The following USP3 variants were observed in gnomAD, a reference collection of about 807,000 sequenced individuals.
USP3 encodes ubiquitin specific peptidase 3.
USP3 carries 20 observed loss-of-function variants against 72.3 expected under a neutral mutation model. The observed-to-expected ratio is 0.28, with a 90% confidence interval of 0.19 to 0.40. The LOEUF is 0.40. USP3 is among the 10% of genes least tolerant of loss of function. The probability of loss-of-function intolerance (pLI) is 1.00; values close to 1 mark genes in which losing one functional copy is unlikely to be tolerated. For missense variants in USP3, 479 were observed against 633.9 expected (o/e 0.76, Z 2.62); for synonymous variants, 222 against 225.3 (o/e 0.99, Z 0.13).
At chr15:63,545,963 C>A (rs772621294) in intron 3 of USP3, among the ~76,000 whole-genome samples, 1 of 77,258 alleles carries the variant, frequency 1.3e-5, no homozygotes, top group Admixed American at 2.0e-4. Context: ...AGAGCCAGAC[C>A]TTGTCTCAAA....
rs1286472292 is a variant in USP3 at position 63,588,955 on chromosome 15, T to C, written c.1341T>C (p.Ser447=). Residue 447 remains serine, a synonymous_variant, in exon 14 of 15, where the codon AGT becomes AGC. Coordinates refer to ENST00000380324, the MANE Select transcript of USP3 (RefSeq NM_006537.4). This position sits in a 1 kb window ranked among gnomAD's most constrained non-coding sequence, Gnocchi z 4.6. ...TCCTTGTTCTGTAGCCTGAGAACAG[T>C]GGCCCGGAGAGCTGCCTGTATGACC... is the stretch of plus-strand genomic sequence containing the variant. The part of the protein sequence containing the change: ...MKCYLLEPEN[S]GPESCLYDLA... 3.1e-6 allele frequency: 5 copies of C among 1,614,154 alleles called. No individual in the cohort carries two copies. The South Asian group carries it at 3.3e-5, about 11-fold the overall frequency.
At chr15:63,522,430 A>G (rs2065932287) in intron 1 of USP3, among the ~76,000 whole-genome samples, 1 of 152,186 alleles carries the variant, frequency 6.6e-6, no homozygotes, top group South Asian at 2.1e-4. Flanking sequence ...TCATACAGAT[A>G]TTTTCTATGC....
Position 63,515,984 on chromosome 15 carries a change from T to C in USP3, c.91+11154T>C, listed in dbSNP as rs150145692. ...CATTTTTAGGTATTATTCCTTGATATCTTGCTGTGGTAAATGAAGACTTCA... is the reference window on the plus strand; with the variant it reads ...CATTTTTAGGTATTATTCCTTGATACCTTGCTGTGGTAAATGAAGACTTCA... On this transcript the variant is annotated intron_variant, in intron 1 of 14. Coordinates refer to ENST00000380324, the MANE Select transcript of USP3 (RefSeq NM_006537.4). Among the ~76,000 whole-genome samples the C allele has an allele frequency of 4.3e-4, 66 of 152,342 alleles. 1 individual carries two copies. The East Asian group carries it at 0.01, about 24-fold the overall frequency.
At chr15:63,586,909 A>G (rs1298439210) in intron 11 of USP3, among the ~76,000 whole-genome samples, 2 of 152,128 alleles carry the variant, frequency 1.3e-5, no homozygotes, top group Non-Finnish European at 2.9e-5. Flanking sequence ...TGTGCCTTCT[A>G]GGTACTAGGA....
At chr15:63,535,145 A>G (rs372661301) in intron 2 of USP3, among the ~76,000 whole-genome samples, 2 of 152,076 alleles carry the variant, frequency 1.3e-5, no homozygotes, top group South Asian at 2.1e-4. Context: ...TGGCCAGGCA[A>G]GTTTCAAACT....
chr15:63,540,552 A>G (rs2066229532), intron 3 of USP3, among the ~76,000 whole-genome samples: 1 of 152,218 alleles, frequency 6.6e-6, no homozygotes, highest in South Asian at 2.1e-4. Context: ...GAAGGACTAA[A>G]GAGCCACGTA....
At chr15:63,512,645 G>A (rs56901721) in intron 1 of USP3, among the ~76,000 whole-genome samples, 4,110 of 151,846 alleles carry the variant, frequency 0.027, 184 homozygotes, top group African/African-American at 0.094. Context: ...GGGTTTCACT[G>A]TGTTGGCCAG....
intron 3 of USP3, among the ~76,000 whole-genome samples, chr15:63,545,735 T>G (rs2066311880): frequency 6.6e-6 from 1 of 151,950 alleles, no homozygotes; most frequent in Non-Finnish European, 1.5e-5. Context: ...ATTGGGAGGC[T>G]AAGGCGGGCG....
At chr15:63,535,647 G>A (rs1408681407) in intron 2 of USP3, among the ~76,000 whole-genome samples, 2 of 152,162 alleles carry the variant, frequency 1.3e-5, no homozygotes, top group Non-Finnish European at 2.9e-5. Context: ...ATATGCAAAA[G>A]TGTAAAGTAC....
chr15:63,507,045 C>G (rs763800415), intron 1 of USP3, among the ~76,000 whole-genome samples: 1 of 152,066 alleles, frequency 6.6e-6, no homozygotes, highest in Non-Finnish European at 1.5e-5. Context: ...AACTCATTAT[C>G]TTGGAGTGTT....
At chr15:63,543,782 C>T (rs1304121341) in intron 3 of USP3, among the ~76,000 whole-genome samples, 1 of 152,072 alleles carries the variant, frequency 6.6e-6, no homozygotes, top group East Asian at 1.9e-4. Context: ...TATTGGCTAT[C>T]TAATAAAAAC....
intron 4 of USP3, among the ~76,000 whole-genome samples, chr15:63,555,028 C>T (rs17185483): frequency 0.064 from 9,670 of 152,190 alleles, 347 homozygotes; most frequent in Non-Finnish European, 0.072. Flanking sequence ...ATGTCCTTCA[C>T]CCTCTCAGTC....
intron 1 of USP3, among the ~76,000 whole-genome samples, chr15:63,516,045 C>G (rs2065846757): frequency 6.6e-6 from 1 of 152,188 alleles, no homozygotes; most frequent in African/African-American, 2.4e-5. Context: ...CTCTCCATTT[C>G]CCAATATAAT....
In USP3 at chr15:63,590,677, T is replaced by C. The variant is rs1207554795; in HGVS notation, c.1414T>C (p.Tyr472His). Residue 472 changes from tyrosine (Y) to histidine (H), a missense_variant, in exon 15 of 15, where the codon TAC becomes CAC. Physicochemically the swap from Tyr to His is moderately conservative, Grantham distance 83. Transcript: ENST00000380324. ...HHGSGVGSGH[Y>H]TAYATHEGRW... ...CCTTTACAGGGTTGGTTCTGGACAT[T>C]ACACAGCATACGCAACTCACGAAGG... 1 of 1,610,186 alleles carries C rather than the reference T, an allele frequency of 6.2e-7. No homozygotes were observed. The highest frequency in any genetic ancestry group is 8.5e-7 in the Non-Finnish European group (1 of 1,178,402).
chr15:63,550,784 A>C (rs2066425502), intron 3 of USP3, among the ~76,000 whole-genome samples: 2 of 152,142 alleles, frequency 1.3e-5, no homozygotes, highest in Non-Finnish European at 1.5e-5. Flanking sequence ...TTTCCTCATA[A>C]TTTAAAAATA....
intron 11 of USP3, among the ~76,000 whole-genome samples, chr15:63,584,897 T>C (rs572760173): frequency 5.2e-4 from 79 of 152,316 alleles, no homozygotes; most frequent in African/African-American, 1.8e-3. Context: ...TTAAGACTTA[T>C]GTTTAAGACC....
chr15:63,525,573 T>C (rs1299440619), intron 1 of USP3, among the ~76,000 whole-genome samples: 1 of 152,226 alleles, frequency 6.6e-6, no homozygotes, highest in African/African-American at 2.4e-5. Flanking sequence ...GTTCTTGCTC[T>C]CTTTTTGTGA....
In USP3 at chr15:63,534,916, GTTTA is replaced by G. The variant is rs958674714; in HGVS notation, c.153-2084_153-2081del. ...ATACCTTAGAGTTTGCCTTTTATTT[GTTTA>G]TTTATTTATTTATTTATTTATTTAC... On this transcript the variant is annotated intron_variant, in intron 2 of 14. Transcript: ENST00000380324. Among the ~76,000 whole-genome samples, 196 of 78,192 alleles carry G rather than the reference GTTTA, an allele frequency of 2.5e-3. 2 individuals carry two copies. Among genetic ancestry groups the G allele is most frequent in the African/African-American group, 6.0e-3 (168 of 27,892 alleles). 51.3% of individuals were successfully genotyped at this position (78,192 alleles called of 152,430 possible).
At chr15:63,508,899 T>TTAC in intron 1 of USP3, among the ~76,000 whole-genome samples, 1 of 152,296 alleles carries the variant, frequency 6.6e-6, no homozygotes, top group Admixed American at 6.5e-5. Context: ...TGCCTTCATA[T>TTAC]TACTCTACCC....
Sources: gnomAD v4.1 joint callset for allele counts (sites outside exome capture counted in the v4.1 genomes callset) on GRCh38, gnomAD v4.1.1 for gene constraint, Gnocchi (gnomAD v3.1) non-coding constraint, MANE v1.5 for transcripts, NCBI Gene and HGNC (gene_info 2026-07-23, HGNC 2026-07-21) for gene names.